CELF4: variants seen among roughly 807,000 people sequenced by gnomAD.
CELF4 encodes CUGBP Elav-like family member 4, also known as CUG-BP- and ETR-3-like factor 4.
Under a neutral mutation model 59.9 loss-of-function variants are expected in CELF4, and 18 were observed. The observed-to-expected ratio is 0.30, with a 90% CI of 0.21 to 0.45. The LOEUF is 0.45. CELF4 is among the 20% of genes least tolerant of loss of function. The pLI, the probability that CELF4 is intolerant of heterozygous loss-of-function variation, is 1.00. For synonymous variants in CELF4, 261 were observed against 267.1 expected (o/e 0.98, Z 0.22); for missense variants, 456 against 689.0 (o/e 0.66, Z 3.79).
At chr18:37,485,273 C>T (rs1489341478) in intron 2 of CELF4, among the ~76,000 whole-genome samples, 11 of 151,826 alleles carry the variant, frequency 7.2e-5, no homozygotes, top group African/African-American at 2.2e-4. Context: ...ACCCGGGACG[C>T]GCCGCTCCCC....
At chr18:37,548,346 T>G (rs1002265308) in intron 1 of CELF4, among the ~76,000 whole-genome samples, 1 of 152,138 alleles carries the variant, frequency 6.6e-6, no homozygotes, top group African/African-American at 2.4e-5. Flanking sequence ...CCAATCTGGG[T>G]GTATCTAACC....
At chr18:37,433,756 G>A (rs1374688602) in intron 2 of CELF4, among the ~76,000 whole-genome samples, 1 of 152,124 alleles carries the variant, frequency 6.6e-6, no homozygotes, top group Non-Finnish European at 1.5e-5. Context: ...CACCTCTTAG[G>A]TGGTCTCTAA....
At chr18:37,393,294 C>T (rs1263459229) in intron 2 of CELF4, among the ~76,000 whole-genome samples, 1 of 152,192 alleles carries the variant, frequency 6.6e-6, no homozygotes, top group Non-Finnish European at 1.5e-5. Context: ...ATGGGATGTA[C>T]CTGGCACTTG....
At chr18:37,439,820 T>C (rs2099706641) in intron 2 of CELF4, among the ~76,000 whole-genome samples, 1 of 152,202 alleles carries the variant, frequency 6.6e-6, no homozygotes, top group Non-Finnish European at 1.5e-5. Flanking sequence ...TGTATGCCTG[T>C]CTTGCATTTC....
chr18:37,258,256 G>A (rs1308230400), intron 11 of CELF4, among the ~76,000 whole-genome samples: 3 of 148,092 alleles, frequency 2.0e-5, no homozygotes, highest in Non-Finnish European at 4.4e-5. Context: ...ACCACACCCC[G>A]TGAAACACCC....
At chr18:37,330,581 A>C (rs1219137292) in intron 2 of CELF4, among the ~76,000 whole-genome samples, 1 of 152,190 alleles carries the variant, frequency 6.6e-6, no homozygotes, top group Admixed American at 6.5e-5. Context: ...CCTGACAGAT[A>C]TATGGATTTG....
chr18:37,514,460 A>T (rs1301786648), intron 1 of CELF4, among the ~76,000 whole-genome samples: 1 of 152,178 alleles, frequency 6.6e-6, no homozygotes, highest in Admixed American at 6.5e-5. Context: ...CTGGATGCTG[A>T]TGAGAAGGAA....
At position 37,251,320 on chromosome 18, in the gene CELF4, C is replaced by T. The variant is rs545234459; in HGVS notation, c.*44+2447G>A. Among the ~76,000 whole-genome samples, 14 of 152,218 alleles carry T rather than the reference C, an allele frequency of 9.2e-5. No individual in the cohort carries two copies. The South Asian group carries it at 2.5e-3, about 27-fold the overall frequency. ...GAAGAACCGACTCTGTGTTTTAAAC[C>T]ACTCCTCCCAAGCCCCCACCCCAAC... is the stretch of plus-strand genomic sequence containing the variant. On this transcript the variant is annotated intron_variant, in intron 12 of 12. Transcript: ENST00000420428.
At chr18:37,294,783 C>T (rs1192521126) in intron 3 of CELF4, among the ~76,000 whole-genome samples, 1 of 152,238 alleles carries the variant, frequency 6.6e-6, no homozygotes, top group South Asian at 2.1e-4. Context: ...TCAATTTGCT[C>T]TGTCCTAGAA....
At chr18:37,545,146 C>A (rs1008835382) in intron 1 of CELF4, among the ~76,000 whole-genome samples, 1 of 152,224 alleles carries the variant, frequency 6.6e-6, no homozygotes, top group South Asian at 2.1e-4. Context: ...ATAATAAGGG[C>A]ACCAGTGCCC....
At chr18:37,309,570 A>G (rs1464062883) in intron 3 of CELF4, among the ~76,000 whole-genome samples, 1 of 152,182 alleles carries the variant, frequency 6.6e-6, no homozygotes, top group Non-Finnish European at 1.5e-5. Flanking sequence ...GGGCATGACC[A>G]GGAAGACTGG....
At chr18:37,374,469 G>A (rs1027708924) in intron 2 of CELF4, among the ~76,000 whole-genome samples, 13 of 152,252 alleles carry the variant, frequency 8.5e-5, no homozygotes, top group African/African-American at 1.9e-4. Flanking sequence ...TCTCTGATCC[G>A]TAACTTCACT....
intron 6 of CELF4, 27 bp downstream of exon 6, chr18:37,274,284 C>A (rs778464001): frequency 4.0e-5 from 65 of 1,609,180 alleles, no homozygotes; most frequent in Non-Finnish European, 5.5e-5. Flanking sequence ...AGCTTGAGAA[C>A]CGCTGCCCGT....
rs1372063788 is a variant in CELF4, at chr18:37,254,248, C to G, written c.1334-310G>C. Among the ~76,000 whole-genome samples the G allele has an allele frequency of 6.6e-6, 1 of 151,490 alleles. No homozygotes were observed. Among genetic ancestry groups the G allele is most frequent in the Non-Finnish European group, 1.5e-5 (1 of 67,706 alleles). ...GGCGCTGGGAGAGGCGCCCGCCCCC[C>G]ACCCCCGCCGGCCCCGGCACCTCAG... On this transcript the variant is annotated intron_variant, in intron 11 of 12. Transcript: ENST00000420428. This position sits in a 1 kb window ranked among gnomAD's most constrained non-coding sequence, Gnocchi z 5.1.
rs1342206703 is a variant in CELF4, at chr18:37,353,296, C to T, written c.370-31415G>A. Among the ~76,000 whole-genome samples the T allele has an allele frequency of 3.3e-5, 5 of 150,402 alleles. No homozygotes were observed. The East Asian group carries it at 9.8e-4, about 30-fold the overall frequency. ...GGGGCTTAGGGACCAGGGGTAAGCT[C>T]AACTGGGCATATGGTTTTATAGTTA... On this transcript the variant is annotated intron_variant, in intron 2 of 12. Coordinates refer to ENST00000420428, the MANE Select transcript of CELF4 (RefSeq NM_020180.4).
chr18:37,361,023 A>G (rs1052158121), intron 2 of CELF4, among the ~76,000 whole-genome samples: 15 of 152,202 alleles, frequency 9.9e-5, no homozygotes, highest in African/African-American at 3.6e-4. Context: ...AACTCTAGTT[A>G]CTTTTAGCAG....
At chr18:37,304,633 T>C (rs933207482) in intron 3 of CELF4, among the ~76,000 whole-genome samples, 9 of 152,172 alleles carry the variant, frequency 5.9e-5, no homozygotes, top group Non-Finnish European at 1.3e-4. Context: ...GCAGGTTCAT[T>C]TTTAGGCTTC....
chr18:37,561,103 T>G (rs2099986395), intron 1 of CELF4, among the ~76,000 whole-genome samples: 1 of 152,216 alleles, frequency 6.6e-6, no homozygotes, highest in South Asian at 2.1e-4. Context: ...AAGATTCTAT[T>G]GCTCTGTCCC....
intron 1 of CELF4, among the ~76,000 whole-genome samples, chr18:37,487,912 T>G (rs1349765739): frequency 6.6e-6 from 1 of 152,170 alleles, no homozygotes; most frequent in South Asian, 2.1e-4. Context: ...ACAACTTTAT[T>G]GTGAACCAAA....
Sources: allele counts gnomAD v4.1 joint callset (sites outside exome capture counted in the v4.1 genomes callset), GRCh38; gene constraint gnomAD v4.1.1; non-coding constraint Gnocchi (gnomAD v3.1); transcripts MANE v1.5; gene names NCBI Gene and HGNC (gene_info 2026-07-23, HGNC 2026-07-21).